PIK3AP1: variants seen among roughly 807,000 people sequenced by gnomAD.
The protein encoded by PIK3AP1 is phosphoinositide-3-kinase adaptor protein 1.
PIK3AP1 carries 21 observed loss-of-function variants against 88.1 expected under a neutral mutation model. That is an observed-to-expected ratio of 0.24 (90% confidence interval 0.17 to 0.34). The LOEUF is 0.34. Ranked by LOEUF, PIK3AP1 falls within the 10% of genes least tolerant of loss-of-function variation. PIK3AP1 has a pLI of 1.00. For missense variants in PIK3AP1, 828 were observed against 1,035.7 expected (o/e 0.80, Z 2.75); for synonymous variants, 398 against 400.0 (o/e 1.00, Z 0.06).
intron 14 of PIK3AP1, among the ~76,000 whole-genome samples, chr10:96,605,114 T>G (rs1416815199): frequency 6.6e-6 from 1 of 152,214 alleles, no homozygotes; most frequent in African/African-American, 2.4e-5. Flanking sequence ...CACCTCGGCC[T>G]CCCAAAGAGC....
At chr10:96,651,901 A>T (rs1843544050) in intron 4 of PIK3AP1, among the ~76,000 whole-genome samples, 1 of 152,126 alleles carries the variant, frequency 6.6e-6, no homozygotes, top group South Asian at 2.1e-4. Context: ...TTTTCAAAAA[A>T]TTTTCATCTT....
At chr10:96,672,994 G>C (rs573512100) in intron 2 of PIK3AP1, among the ~76,000 whole-genome samples, 1 of 152,310 alleles carries the variant, frequency 6.6e-6, no homozygotes, top group Admixed American at 6.5e-5. Flanking sequence ...TGAACTGACC[G>C]GCCCTAGTTC....
intron 2 of PIK3AP1, among the ~76,000 whole-genome samples, chr10:96,687,255 C>CAAAAAAA (rs59631566): frequency 0.01 from 570 of 55,180 alleles, 3 homozygotes; most frequent in Non-Finnish European, 0.014. Flanking sequence ...TACTCCATCT[C>CAAAAAAA]AAAAAAAAAA....
At chr10:96,654,757 C>T (rs1007387742) in intron 3 of PIK3AP1, among the ~76,000 whole-genome samples, 1 of 152,190 alleles carries the variant, frequency 6.6e-6, no homozygotes, top group Non-Finnish European at 1.5e-5. Flanking sequence ...GGAGATAATG[C>T]TTTGGTGGCA....
chr10:96,604,108 G>A, intron 14 of PIK3AP1, 59 bp from the exon 15 acceptor site: 1 of 1,332,510 alleles, frequency 7.5e-7, no homozygotes, highest in Non-Finnish European at 1.0e-6. Context: ...AAATAAAATA[G>A]AGAACTCTAG....
Position 96,651,528 on chromosome 10 carries a change from G to T in PIK3AP1, c.836C>A (p.Pro279His). 6.2e-7 allele frequency: 1 copy of T among 1,614,172 alleles called. No homozygotes were observed. Among genetic ancestry groups the T allele is most frequent in the Non-Finnish European group, 8.5e-7 (1 of 1,180,038 alleles). Residue 279 changes from proline (P) to histidine (H), a missense_variant, in exon 5 of 17, where the codon CCT becomes CAT. Around this residue, in one of 3 missense-constraint regions of PIK3AP1, gnomAD observed 610 missense variants for 760.1 expected, o/e 0.80. Coordinates refer to ENST00000339364, the MANE Select transcript of PIK3AP1 (RefSeq NM_152309.3). ...CCTTACCTGACACATGAATTCCACA[G>T]GATTCGCGGCATTGGACAATAAATT... ...IGNLLSNAAN[P>H]VEFMCQAFKI...
chr10:96,677,215 A>T (rs1209680800), intron 2 of PIK3AP1, among the ~76,000 whole-genome samples: 9 of 152,058 alleles, frequency 5.9e-5, no homozygotes, highest in Non-Finnish European at 1.3e-4. Flanking sequence ...TGACACATAA[A>T]AGTATTGGCA....
intron 2 of PIK3AP1, among the ~76,000 whole-genome samples, chr10:96,690,738 C>T (rs1437800489): frequency 1.3e-5 from 2 of 152,254 alleles, no homozygotes; most frequent in African/African-American, 4.8e-5. Context: ...AGAAAGCCCA[C>T]ACTCCAGGCT....
At position 96,595,606 on chromosome 10, in the gene PIK3AP1, G is replaced by T. The variant is rs779008614; in HGVS notation, c.2389C>A (p.Pro797Thr). 10 of 1,613,412 alleles carry T rather than the reference G, an allele frequency of 6.2e-6. No individual in the cohort carries two copies. In the South Asian group the frequency reaches 1.1e-4, roughly 18 times the overall value. Residue 797 changes from proline (P) to threonine (T), a missense_variant, in exon 17 of 17, where the codon CCT (proline) becomes ACT (threonine). Physicochemically the swap from Pro to Thr is conservative, Grantham distance 38. Around this residue, in one of 3 missense-constraint regions of PIK3AP1, gnomAD observed 191 missense variants for 208.6 expected, o/e 0.92. Coordinates refer to ENST00000339364, the MANE Select transcript of PIK3AP1 (RefSeq NM_152309.3). ...RPPTRETFHP[P>T]PPVPPRGR ...CGTCCTCTGGGTGGAACAGGTGGAGGAGGATGGAAGGTCTCCCTGGTCGGA... is the reference window on the plus strand; with the variant it reads ...CGTCCTCTGGGTGGAACAGGTGGAGTAGGATGGAAGGTCTCCCTGGTCGGA...
intron 7 of PIK3AP1, 129 bp from the exon 8 acceptor site, chr10:96,645,791 G>T: frequency 1.4e-6 from 1 of 727,766 alleles, no homozygotes; most frequent in Non-Finnish European, 2.2e-6. Flanking sequence ...CTGGTTGTGT[G>T]TATTTGTATT....
At chr10:96,654,638 CT>C (rs1843590024) in intron 3 of PIK3AP1, among the ~76,000 whole-genome samples, 2 of 152,206 alleles carry the variant, frequency 1.3e-5, no homozygotes, top group Non-Finnish European at 2.9e-5. Flanking sequence ...GCCCCTTCCC[CT>C]CTCCCCAGGA....
At chr10:96,654,924 G>C (rs1386286229) in intron 3 of PIK3AP1, among the ~76,000 whole-genome samples, 3 of 152,212 alleles carry the variant, frequency 2.0e-5, no homozygotes, top group African/African-American at 7.2e-5. Flanking sequence ...GGACTGTGGG[G>C]ACCCGCCAAC....
intron 2 of PIK3AP1, among the ~76,000 whole-genome samples, chr10:96,688,917 A>T (rs1589538724): frequency 6.6e-6 from 1 of 151,796 alleles, no homozygotes; most frequent in Admixed American, 6.6e-5. Flanking sequence ...CGTAGGTAGG[A>T]TCTACATGTG....
intron 1 of PIK3AP1, among the ~76,000 whole-genome samples, chr10:96,717,500 T>G (rs1172480): frequency 0.62 from 93,536 of 151,894 alleles, 30,974 homozygotes; most frequent in African/African-American, 0.88. Flanking sequence ...ACCCCAGAAG[T>G]TGTTCAAATT....
At chr10:96,628,276 C>G (rs574467322) in intron 9 of PIK3AP1, 122 bp downstream of exon 9, 1 of 861,708 alleles carries the variant, frequency 1.2e-6, no homozygotes, top group South Asian at 1.4e-5. Context: ...TTATTCACAT[C>G]ACATGCCATG....
At chr10:96,617,062 C>G (rs1223616928) in intron 12 of PIK3AP1, among the ~76,000 whole-genome samples, 1 of 152,232 alleles carries the variant, frequency 6.6e-6, no homozygotes, top group African/African-American at 2.4e-5. Context: ...ACTCCCCTGA[C>G]CTTCATGGAT....
At chr10:96,710,734 A>T (rs1844428277) in intron 1 of PIK3AP1, among the ~76,000 whole-genome samples, 1 of 152,216 alleles carries the variant, frequency 6.6e-6, no homozygotes, top group South Asian at 2.1e-4. Context: ...CAGCAACTTT[A>T]GAAGGTAGGT....
At position 96,652,796 on chromosome 10, in the gene PIK3AP1, C is replaced by T. The variant is rs1843558751; in HGVS notation, c.614G>A (p.Arg205Lys). The change falls in exon 4 of 17, where the codon AGG (arginine) becomes AAG (lysine). Residue 205 changes from arginine (R) to lysine (K), a missense_variant. By Grantham distance (26) the Arg-to-Lys change is conservative. Coordinates refer to ENST00000339364, the MANE Select transcript of PIK3AP1 (RefSeq NM_152309.3). ...YVIVRCKLDD[R>K]VATEAEFSPE... ...AGAAAACTCTGCTTCTGTCGCCACC[C>T]TGTCATCCAGCTTACATCTCACAAT... 1.9e-6 allele frequency: 3 copies of T among 1,614,110 alleles called. No individual in the cohort carries two copies. Among genetic ancestry groups the T allele is most frequent in the African/African-American group, 2.7e-5 (2 of 75,046 alleles).
intron 2 of PIK3AP1, among the ~76,000 whole-genome samples, chr10:96,668,592 T>C (rs570977277): frequency 6.6e-6 from 1 of 152,156 alleles, no homozygotes; most frequent in East Asian, 1.9e-4. Flanking sequence ...TACTCAAAAA[T>C]GGAATTAAAC....
Sources: allele counts gnomAD v4.1 joint callset (sites outside exome capture counted in the v4.1 genomes callset), GRCh38; gene constraint gnomAD v4.1.1; regional missense constraint gnomAD v4.1.1; transcripts MANE v1.5; gene names NCBI Gene and HGNC (gene_info 2026-07-23, HGNC 2026-07-21).